Variants in ERG observed in about 807,000 individuals in gnomAD.
The protein encoded by ERG is ETS transcription factor ERG, also known as transcriptional regulator ERG.
Under a neutral mutation model 55.3 loss-of-function variants are expected in ERG, and 9 were observed. The observed-to-expected ratio is 0.16, with a 90% confidence interval of 0.10 to 0.28. The LOEUF is 0.28. Among genes scored for constraint, ERG ranks in the 10% least tolerant of loss-of-function variants. ERG has a pLI of 1.00. For synonymous variants in ERG, 223 were observed against 237.3 expected (o/e 0.94, Z 0.55); for missense variants, 434 against 631.6 (o/e 0.69, Z 3.35).
At chr21:38,389,465 T>C (rs1353401383) in intron 9 of ERG, among the ~76,000 whole-genome samples, 1 of 152,080 alleles carries the variant, frequency 6.6e-6, no homozygotes, top group Non-Finnish European at 1.5e-5. Flanking sequence ...CATTTTCTTT[T>C]TTCTAATCTA....
chr21:38,658,526 C>A (rs1568977772), intron 1 of ERG, among the ~76,000 whole-genome samples: 1 of 152,078 alleles, frequency 6.6e-6, no homozygotes, highest in Non-Finnish European at 1.5e-5. Flanking sequence ...AATAAATTCC[C>A]CCTTTTATTT....
chr21:38,658,579 T>C (rs1234295116), intron 1 of ERG, among the ~76,000 whole-genome samples: 2 of 152,300 alleles, frequency 1.3e-5, no homozygotes, highest in South Asian at 2.1e-4. Context: ...AAAACTAATA[T>C]TACTTTTAGA....
In ERG at chr21:38,383,993, T is replaced by A. The variant is rs1987571726; in HGVS notation, c.920-70A>T. The A allele has an allele frequency of 6.5e-7, 1 of 1,536,798 alleles. No individual in the cohort carries two copies. ...TCCAGGGGAAAGAGGCTCTCTGTGA[T>A]GACGGAAGGAGGTGCTATTGGTGTG... On this transcript the variant is annotated intron_variant, in intron 9 of 9. Coordinates refer to ENST00000288319, the MANE Select transcript of ERG (RefSeq NM_182918.4). The surrounding 1 kb of genome is among the most constrained non-coding windows in gnomAD (Gnocchi z 5.7).
Position 38,380,459 on chromosome 21 carries a change from C to T in ERG, c.*2944G>A, listed in dbSNP as rs1048507161. On this transcript the variant is annotated 3_prime_UTR_variant, in exon 10 of 10. Coordinates refer to ENST00000288319, the MANE Select transcript of ERG (RefSeq NM_182918.4). ...TGGTGATTTTACCACATACAAGGCC[C>T]GAAAGCCAATTGAAGACAAGAAAAG... 7 of 1,064,176 alleles carry T rather than the reference C, an allele frequency of 6.6e-6. No individual in the cohort carries two copies. Among genetic ancestry groups the T allele is most frequent in the East Asian group, 5.0e-5 (1 of 19,958 alleles). The allele number at this position is 1,064,176 out of a possible 1,614,324, so 65.9% of individuals were successfully genotyped here. A position where few individuals can be genotyped will look rare whatever the true frequency, so the allele number is the denominator to read the frequency against.
At chr21:38,609,404 A>G (rs1011354163) in intron 1 of ERG, among the ~76,000 whole-genome samples, 17 of 152,154 alleles carry the variant, frequency 1.1e-4, no homozygotes, top group African/African-American at 3.4e-4. Context: ...GATCCACACA[A>G]CACGCTCCCT....
At chr21:38,386,676 T>C (rs1359798679) in intron 9 of ERG, among the ~76,000 whole-genome samples, 1 of 152,208 alleles carries the variant, frequency 6.6e-6, no homozygotes, top group African/African-American at 2.4e-5. Context: ...GGGTCACTCA[T>C]GGGCCAAACC....
intron 2 of ERG, among the ~76,000 whole-genome samples, chr21:38,525,679 G>C (rs1179728923): frequency 6.6e-6 from 1 of 152,182 alleles, no homozygotes; most frequent in East Asian, 1.9e-4. Flanking sequence ...AGCTTTTTAT[G>C]GGGGAGGAGA....
chr21:38,431,788 G>A (rs983257770), intron 2 of ERG, among the ~76,000 whole-genome samples: 1 of 152,228 alleles, frequency 6.6e-6, no homozygotes, highest in Admixed American at 6.5e-5. Flanking sequence ...GGATTATGCA[G>A]TAAACAATAT....
intron 1 of ERG, among the ~76,000 whole-genome samples, chr21:38,612,340 G>C (rs936046559): frequency 2.6e-5 from 4 of 151,768 alleles, no homozygotes; most frequent in African/African-American, 9.7e-5. Flanking sequence ...AAAGTAATAG[G>C]ATTAGCTTTT....
At chr21:38,580,120 A>G (rs1289886169) in intron 1 of ERG, among the ~76,000 whole-genome samples, 2 of 147,242 alleles carry the variant, frequency 1.4e-5, no homozygotes, top group Admixed American at 1.3e-4. Flanking sequence ...ACGCCCGGCT[A>G]ATTTTTTGTA....
At position 38,460,950 on chromosome 21, in the gene ERG, G is replaced by A. The variant is rs1346253074; in HGVS notation, c.19-15329C>T. The stretch of plus-strand genomic sequence containing the variant: ...ACCTGGATTCCCAGAGCTCTATCTG[G>A]TAGAACGTGTCTCCATATTAATAAG... On this transcript the variant is annotated intron_variant, in intron 1 of 9. Coordinates refer to ENST00000288319, the MANE Select transcript of ERG (RefSeq NM_182918.4). This position sits in a 1 kb window ranked among gnomAD's most constrained non-coding sequence, Gnocchi z 5.0. Among the ~76,000 whole-genome samples, 1 of 152,176 alleles carries A rather than the reference G, an allele frequency of 6.6e-6. No individual in the cohort carries two copies. Among genetic ancestry groups the A allele is most frequent in the Non-Finnish European group, 1.5e-5 (1 of 68,050 alleles).
intron 6 of ERG, among the ~76,000 whole-genome samples, chr21:38,396,074 A>G (rs1988197893): frequency 6.6e-6 from 1 of 152,230 alleles, no homozygotes; most frequent in Non-Finnish European, 1.5e-5. Context: ...GGAACAGATG[A>G]GATTTGCCTG....
In ERG at chr21:38,445,448, G is replaced by T; in HGVS notation, c.192C>A (p.Val64=). The part of the protein sequence containing the change: ...QDWLSQPPAR[V]TIKMECNPSQ... ...TAGGGTTACATTCCATTTTGATGGT[G>T]ACCCTGGCTGGGGGTTGAGACAGCC... is the stretch of plus-strand genomic sequence containing the variant. The change falls in exon 2 of 10, where the codon GTC becomes GTA. Residue 64 remains valine (V), a synonymous_variant. Coordinates refer to ENST00000288319, the MANE Select transcript of ERG (RefSeq NM_182918.4). The T allele has an allele frequency of 1.2e-6, 2 of 1,614,186 alleles. No individual in the cohort carries two copies. The highest frequency in any genetic ancestry group is 2.7e-5 in the African/African-American group (2 of 75,052).
At chr21:38,562,626 C>T (rs945612697) in intron 2 of ERG, among the ~76,000 whole-genome samples, 2 of 152,164 alleles carry the variant, frequency 1.3e-5, no homozygotes, top group Admixed American at 6.5e-5. Context: ...ACATTTAAAT[C>T]GATAATGCAC....
At chr21:38,516,764 A>G (rs1046655836) in intron 2 of ERG, among the ~76,000 whole-genome samples, 5 of 152,164 alleles carry the variant, frequency 3.3e-5, no homozygotes, top group African/African-American at 9.6e-5. Context: ...GTATAAAAAC[A>G]GACGCATAGA....
chr21:38,384,582 T>C (rs796861215), intron 9 of ERG, among the ~76,000 whole-genome samples: 5 of 152,158 alleles, frequency 3.3e-5, no homozygotes, highest in African/African-American at 9.7e-5. Context: ...TATTTTTTTT[T>C]CCTATTTTGT....
intron 1 of ERG, chr21:38,472,182 T>C (rs1484222005): frequency 4.0e-5 from 6 of 151,472 alleles, no homozygotes. Flanking sequence ...AAAATCATTG[T>C]AGAAAGAAAG....
chr21:38,653,365 C>T (rs965983970), intron 1 of ERG, among the ~76,000 whole-genome samples: 1 of 152,180 alleles, frequency 6.6e-6, no homozygotes, highest in African/African-American at 2.4e-5. Flanking sequence ...GGAGCACCCC[C>T]TCTGTGGATG....
At chr21:38,633,257 T>C (rs1017562054) in intron 1 of ERG, among the ~76,000 whole-genome samples, 3 of 152,206 alleles carry the variant, frequency 2.0e-5, no homozygotes, top group Non-Finnish European at 4.4e-5. Context: ...GTTTGCTGAG[T>C]GTAGAGTTTC....
Sources: allele counts gnomAD v4.1 joint callset (sites outside exome capture counted in the v4.1 genomes callset), GRCh38; gene constraint gnomAD v4.1.1; non-coding constraint Gnocchi (gnomAD v3.1); transcripts MANE v1.5; gene names NCBI Gene and HGNC (gene_info 2026-07-23, HGNC 2026-07-21).